Variants in ADGB observed in about 807,000 individuals in gnomAD.
ADGB encodes the protein calpain-7-like protein.
Under a neutral mutation model 210.5 loss-of-function variants are expected in ADGB, and 172 were observed. That is an observed-to-expected ratio of 0.82 (90% CI 0.72 to 0.93). The LOEUF is 0.93. Among genes scored for constraint, ADGB ranks in the 40% least tolerant of loss-of-function variants. The probability of loss-of-function intolerance (pLI) is 0.00; values close to 1 mark genes in which losing one functional copy is unlikely to be tolerated. For synonymous variants in ADGB, 658 were observed against 662.7 expected (o/e 0.99, Z 0.11); for missense variants, 2,025 against 1,964.8 (o/e 1.03, Z -0.58).
intron 1 of ADGB, among the ~76,000 whole-genome samples, chr6:146,603,374 A>T (rs1175348238): frequency 6.6e-6 from 1 of 152,244 alleles, no homozygotes; most frequent in African/African-American, 2.4e-5. Flanking sequence ...TATCATAGAC[A>T]AGATAACAGA....
intron 18 of ADGB, 177 bp downstream of exon 18, chr6:146,724,504 A>T (rs1776866775): frequency 1.8e-6 from 1 of 553,500 alleles, no homozygotes; most frequent in African/African-American, 1.9e-5. Context: ...CTACATTGAG[A>T]AATACTGTAC....
intron 27 of ADGB, among the ~76,000 whole-genome samples, chr6:146,758,966 A>G (rs182103985): frequency 9.4e-4 from 143 of 152,132 alleles, no homozygotes; most frequent in Admixed American, 2.9e-3. Flanking sequence ...TTTTAAATTG[A>G]TGCTATTAAT....
chr6:146,607,687 T>TAATG (rs1198318658), intron 1 of ADGB, among the ~76,000 whole-genome samples: 1 of 152,216 alleles, frequency 6.6e-6, no homozygotes, highest in Non-Finnish European at 1.5e-5. Flanking sequence ...ATGTGATGAA[T>TAATG]AATGTTTATT....
At chr6:146,743,746 T>G (rs1164628622) in intron 25 of ADGB, among the ~76,000 whole-genome samples, 2 of 152,156 alleles carry the variant, frequency 1.3e-5, no homozygotes, top group South Asian at 2.1e-4. Context: ...AAAGCCTGTC[T>G]CTACTAATAA....
chr6:146,803,357 GTCATGGTGTAATTTT>G, intron 35 of ADGB: 1 of 1,606,284 alleles, frequency 6.2e-7, no homozygotes, highest in South Asian at 1.1e-5. Flanking sequence ...ATGTTCGACT[GTCATGGTGTAATTTT>G]TCAGTCTGGT....
intron 12 of ADGB, among the ~76,000 whole-genome samples, chr6:146,700,024 T>C (rs762674538): frequency 3.3e-5 from 5 of 152,232 alleles, no homozygotes; most frequent in Non-Finnish European, 7.3e-5. Flanking sequence ...TTAGTTCATT[T>C]ACATATTCAT....
chr6:146,714,764 C>T (rs1039828637), intron 13 of ADGB, among the ~76,000 whole-genome samples: 1 of 152,196 alleles, frequency 6.6e-6, no homozygotes, highest in Non-Finnish European at 1.5e-5. Context: ...TAGTATTTAA[C>T]TATCTCTACT....
At chr6:146,729,272 T>G (rs894983496) in intron 20 of ADGB, among the ~76,000 whole-genome samples, 1 of 152,226 alleles carries the variant, frequency 6.6e-6, no homozygotes, top group Non-Finnish European at 1.5e-5. Context: ...TAGGTCTGGC[T>G]TTTTAACACT....
rs567971970 is a variant in ADGB at position 146,717,715 on chromosome 6, A to T, written c.1992+116A>T. On this transcript the variant is annotated intron_variant, in intron 16 of 35. Coordinates refer to ENST00000397944, the MANE Select transcript of ADGB (RefSeq NM_024694.4). ...AAACTTGTAACATAGTTATATTTTT[A>T]AAAATTAATTTTTAGAGTCTCTCAC... is the stretch of plus-strand genomic sequence containing the variant. The T allele has an allele frequency of 9.5e-4, 507 of 531,302 alleles. 4 individuals carry two copies. Among genetic ancestry groups the T allele is most frequent in the East Asian group, 6.3e-3 (171 of 27,178 alleles). The allele number at this position is 531,302 out of a possible 1,614,324, so 32.9% of individuals were successfully genotyped here.
intron 3 of ADGB, 48 bp from the exon 4 acceptor site, chr6:146,654,087 T>G (rs760416098): frequency 8.1e-7 from 1 of 1,239,328 alleles, no homozygotes; most frequent in South Asian, 1.5e-5. Flanking sequence ...AAATTACTTT[T>G]TTATTATTTT....
rs1776743545 is a variant in ADGB at position 146,716,902 on chromosome 6, CTT to C, written c.1763_1764del (p.Phe588TrpfsTer4). ...TTCTAGGCACAGATGAACAAACAGA[CTT>C]TGGATTGGGTGATGCTCATCAGAGT... ...LGKGTDEQTD[F>X]GLGDAHQSDG... On this transcript the variant is annotated frameshift_variant, in exon 15 of 36. Coordinates refer to ENST00000397944, the MANE Select transcript of ADGB (RefSeq NM_024694.4). LOFTEE classifies it high-confidence loss of function. 1 of 1,548,740 alleles carries C rather than the reference CTT, an allele frequency of 6.5e-7. No homozygotes were observed. The highest frequency in any genetic ancestry group is 1.4e-5 in the African/African-American group (1 of 73,068).
chr6:146,617,012 T>C (rs1336356589), intron 1 of ADGB, among the ~76,000 whole-genome samples: 1 of 152,132 alleles, frequency 6.6e-6, no homozygotes, highest in African/African-American at 2.4e-5. Context: ...AGGGATTGCA[T>C]TGAGTCTGTA....
intron 10 of ADGB, among the ~76,000 whole-genome samples, chr6:146,686,146 C>G (rs1172149983): frequency 1.3e-5 from 2 of 151,946 alleles, no homozygotes; most frequent in Non-Finnish European, 2.9e-5. Flanking sequence ...CAGTGAAAAT[C>G]ATAGAAATTA....
chr6:146,701,184 AT>A, intron 13 of ADGB, 114 bp downstream of exon 13: 1 of 1,199,648 alleles, frequency 8.3e-7, no homozygotes, highest in South Asian at 1.6e-5. Flanking sequence ...TCTGAACAGT[AT>A]AAAGAATAGT....
intron 26 of ADGB, among the ~76,000 whole-genome samples, chr6:146,750,743 G>C (rs1250930769): frequency 6.6e-6 from 1 of 152,140 alleles, no homozygotes; most frequent in Non-Finnish European, 1.5e-5. Context: ...GGATTAGACT[G>C]CATGTTTCCA....
rs1240824345 is a variant in ADGB at position 146,724,207 on chromosome 6, C to T, written c.2117C>T (p.Pro706Leu). Residue 706 changes from proline to leucine, a missense_variant, in exon 18 of 36, where the codon CCC becomes CTC. By Grantham distance (98) the Pro-to-Leu change is moderately conservative (BLOSUM62 -3). Coordinates refer to ENST00000397944, the MANE Select transcript of ADGB (RefSeq NM_024694.4). Reference sequence around the variant, plus strand: ...AAAGCCTTAACAAAAGACAGTCCTCCCATAGAGCCTGGACTTCTCACAGCT... The same window carrying T: ...AAAGCCTTAACAAAAGACAGTCCTCTCATAGAGCCTGGACTTCTCACAGCT... ...EYGALTKDSPPIEPGLLTAET... is the reference protein window; with the variant it reads ...EYGALTKDSPLIEPGLLTAET... The T allele has an allele frequency of 1.3e-6, 2 of 1,549,852 alleles. No homozygotes were observed. The highest frequency in any genetic ancestry group is 2.0e-5 in the Admixed American group (1 of 50,466).
chr6:146,643,076 AG>A (rs1213701074), intron 2 of ADGB, among the ~76,000 whole-genome samples: 1 of 151,872 alleles, frequency 6.6e-6, no homozygotes, highest in Non-Finnish European at 1.5e-5. Flanking sequence ...GCAATAAAGG[AG>A]GGGAAAATGA....
intron 4 of ADGB, among the ~76,000 whole-genome samples, chr6:146,656,387 T>C (rs1347694195): frequency 3.9e-5 from 6 of 152,220 alleles, no homozygotes; most frequent in Non-Finnish European, 7.3e-5. Context: ...TTATCAAATA[T>C]CTAACATTTA....
Position 146,641,927 on chromosome 6 carries a change from T to C in ADGB, c.238-2846T>C, listed in dbSNP as rs530605734. On this transcript the variant is annotated intron_variant, in intron 2 of 35. Coordinates refer to ENST00000397944, the MANE Select transcript of ADGB (RefSeq NM_024694.4). ...AGTGGATCTAATTAAACTTAAGAGC[T>C]TCTGCACAGCAAAAGAAACTATCAA... Among the ~76,000 whole-genome samples the C allele has an allele frequency of 2.6e-5, 4 of 152,152 alleles. No homozygotes were observed. The East Asian group carries it at 7.7e-4, about 29-fold the overall frequency.
Sources: gnomAD v4.1 joint callset for allele counts (sites outside exome capture counted in the v4.1 genomes callset) on GRCh38, gnomAD v4.1.1 for gene constraint, MANE v1.5 for transcripts, NCBI Gene and HGNC (gene_info 2026-07-23, HGNC 2026-07-21) for gene names.